IGF2BP3: variants seen among roughly 807,000 people sequenced by gnomAD.
IGF2BP3 encodes the protein insulin-like growth factor 2 mRNA-binding protein 3.
IGF2BP3 carries 9 observed loss-of-function variants against 73.8 expected under a neutral mutation model. The observed-to-expected ratio is 0.12, with a 90% confidence interval of 0.07 to 0.21. IGF2BP3 has a LOEUF of 0.21. IGF2BP3 is among the 10% of genes least tolerant of loss of function. The probability of loss-of-function intolerance (pLI) is 1.00; values close to 1 mark genes in which losing one functional copy is unlikely to be tolerated. For missense variants in IGF2BP3, 542 were observed against 714.0 expected, an observed-to-expected ratio of 0.76 and a Z score of 2.75; for synonymous variants, 258 against 256.7, an observed-to-expected ratio of 1.01 and a Z score of -0.05.
intron 2 of IGF2BP3, among the ~76,000 whole-genome samples, chr7:23,425,533 A>C (rs1178868653): frequency 2.0e-5 from 3 of 152,084 alleles, no homozygotes; most frequent in Non-Finnish European, 4.4e-5. Context: ...GGCATATGCT[A>C]CCATGCCCAG....
At chr7:23,373,062 C>T (rs1201006053) in intron 3 of IGF2BP3, among the ~76,000 whole-genome samples, 2 of 152,194 alleles carry the variant, frequency 1.3e-5, no homozygotes, top group South Asian at 4.1e-4. Flanking sequence ...CCGACGGAAA[C>T]CAGTTCAATC....
At chr7:23,466,852 T>C (rs922882576) in intron 2 of IGF2BP3, among the ~76,000 whole-genome samples, 2 of 152,240 alleles carry the variant, frequency 1.3e-5, no homozygotes, top group African/African-American at 4.8e-5. Context: ...TTTTTAAATT[T>C]AGAAACTCTC....
chr7:23,438,341 T>C (rs951555746), intron 2 of IGF2BP3, among the ~76,000 whole-genome samples: 7 of 152,328 alleles, frequency 4.6e-5, no homozygotes, highest in Non-Finnish European at 7.4e-5. Flanking sequence ...CTTGAATTCC[T>C]GAGCTTAAGT....
chr7:23,369,508 A>G (rs938901115), intron 3 of IGF2BP3, among the ~76,000 whole-genome samples: 2 of 152,110 alleles, frequency 1.3e-5, no homozygotes, highest in African/African-American at 4.8e-5. Flanking sequence ...AAAAGAACCT[A>G]TGCTTTGGTG....
intron 7 of IGF2BP3, among the ~76,000 whole-genome samples, 196 bp downstream of exon 7, chr7:23,347,404 G>A (rs1653176382): frequency 6.6e-6 from 1 of 152,118 alleles, no homozygotes. Context: ...ACTCGCCTAT[G>A]TTCAAATGTG....
intron 2 of IGF2BP3, among the ~76,000 whole-genome samples, chr7:23,420,012 G>A (rs1043820047): frequency 1.3e-5 from 2 of 152,100 alleles, no homozygotes; most frequent in Middle Eastern, 3.2e-3. Flanking sequence ...GGAAGAGGGC[G>A]ACACATATAA....
In IGF2BP3 at chr7:23,375,970, C is replaced by T. The variant is rs753225362; in HGVS notation, c.286-14229G>A. Among the ~76,000 whole-genome samples the T allele has an allele frequency of 4.6e-5, 7 of 152,268 alleles. No homozygotes were observed. In the Middle Eastern group the frequency reaches 0.01, roughly 222 times the overall value. On this transcript the variant is annotated intron_variant, in intron 3 of 14. Transcript: ENST00000258729. The stretch of plus-strand genomic sequence containing the variant: ...AAAAGAAAACTCAATCTCTCACTAC[C>T]GACTTATGCTATAGAATTGAATTTA...
intron 3 of IGF2BP3, among the ~76,000 whole-genome samples, chr7:23,396,707 A>G (rs1045901597): frequency 9.9e-5 from 15 of 151,328 alleles, no homozygotes; most frequent in South Asian, 4.4e-4. Context: ...TTGGGGGGGA[A>G]AAAAAAGAGC....
intron 3 of IGF2BP3, among the ~76,000 whole-genome samples, chr7:23,399,986 A>G (rs1379919924): frequency 1.3e-5 from 2 of 152,306 alleles, no homozygotes; most frequent in East Asian, 1.9e-4. Context: ...ACAAGTTGTC[A>G]TATCTTTACT....
At chr7:23,346,632 C>T (rs112312723) in intron 7 of IGF2BP3, among the ~76,000 whole-genome samples, 86 of 150,922 alleles carry the variant, frequency 5.7e-4, no homozygotes, top group African/African-American at 2.0e-3. Context: ...CTCCCTCTGG[C>T]GCCAGGCAGG....
Position 23,393,666 on chromosome 7 carries a change from C to T in IGF2BP3, c.285+25110G>A, listed in dbSNP as rs190867760. 3.4e-4 allele frequency among the ~76,000 whole-genome samples: 52 copies of T among 152,236 alleles called. 1 individual carries two copies. In the East Asian group the frequency reaches 7.3e-3, roughly 21 times the overall value. On this transcript the variant is annotated intron_variant, in intron 3 of 14. Transcript: ENST00000258729. ...CACATTGGGAGAATTTTTATATTCT[C>T]AAAGGAGCTAAAATAAACATGGAAG...
intron 10 of IGF2BP3, among the ~76,000 whole-genome samples, chr7:23,327,209 A>G (rs887492463): frequency 6.6e-6 from 1 of 152,098 alleles, no homozygotes; most frequent in Non-Finnish European, 1.5e-5. Flanking sequence ...TCAGCTCCCA[A>G]GTACTCAAGT....
chr7:23,329,901 G>A (rs543133826), intron 10 of IGF2BP3, among the ~76,000 whole-genome samples: 2 of 152,196 alleles, frequency 1.3e-5, no homozygotes, highest in African/African-American at 4.8e-5. Context: ...CCACCTGGTG[G>A]AGCCACGATT....
intron 2 of IGF2BP3, among the ~76,000 whole-genome samples, chr7:23,444,222 G>A (rs978286571): frequency 6.6e-6 from 1 of 152,018 alleles, no homozygotes; most frequent in African/African-American, 2.4e-5. Flanking sequence ...ACCACATGCT[G>A]GAGTTTCCTG....
At position 23,329,204 on chromosome 7, in the gene IGF2BP3, C is replaced by T. The variant is rs575759023; in HGVS notation, c.1204-9950G>A. On this transcript the variant is annotated intron_variant, in intron 10 of 14. Coordinates refer to ENST00000258729, the MANE Select transcript of IGF2BP3 (RefSeq NM_006547.3). ...CTCCAGCCTGGGCGACAGAGCAAGA[C>T]TCCGTCTCAAAAAAAAAAAAAATTA... is the stretch of plus-strand genomic sequence containing the variant. Among the ~76,000 whole-genome samples, 12 of 150,944 alleles carry T rather than the reference C, an allele frequency of 7.9e-5. No homozygotes were observed. The South Asian group carries it at 8.3e-4, about 10-fold the overall frequency.
intron 3 of IGF2BP3, among the ~76,000 whole-genome samples, chr7:23,409,684 T>C (rs1451946038): frequency 6.6e-6 from 1 of 152,098 alleles, no homozygotes; most frequent in Non-Finnish European, 1.5e-5. Context: ...GACATTTACA[T>C]GCAAAAAATA....
At chr7:23,454,431 AC>A (rs1351748187) in intron 2 of IGF2BP3, among the ~76,000 whole-genome samples, 1 of 152,110 alleles carries the variant, frequency 6.6e-6, no homozygotes, top group Non-Finnish European at 1.5e-5. Context: ...ACCATAAACC[AC>A]GGGGTCATAC....
At position 23,418,833 on chromosome 7, in the gene IGF2BP3, G is replaced by T. The variant is rs545776852; in HGVS notation, c.237-9C>A. On this transcript the variant is annotated splice_polypyrimidine_tract_variant and intron_variant, in intron 2 of 14. Transcript: ENST00000258729. ...TCTGAAGTTTCCGAATCCTGCAGAA[G>T]AATTAAAATGTTTTTTAAAAGAAAA... 6.5e-7 allele frequency: 1 copy of T among 1,549,854 alleles called. No individual in the cohort carries two copies. The highest frequency in any genetic ancestry group is 8.8e-7 in the Non-Finnish European group (1 of 1,138,510).
intron 2 of IGF2BP3, among the ~76,000 whole-genome samples, chr7:23,461,211 C>T (rs759835263): frequency 6.6e-5 from 10 of 152,126 alleles, no homozygotes; most frequent in Non-Finnish European, 7.4e-5. Context: ...GTTTGCCCTG[C>T]TTGCTTTCTT....
Sources: gnomAD v4.1 joint callset for allele counts (sites outside exome capture counted in the v4.1 genomes callset) on GRCh38, gnomAD v4.1.1 for gene constraint, MANE v1.5 for transcripts, NCBI Gene and HGNC (gene_info 2026-07-23, HGNC 2026-07-21) for gene names.